The following CD44 variants were observed in gnomAD, a reference collection of about 807,000 sequenced individuals.
CD44 encodes the protein CD44 antigen.
In CD44, 49 loss-of-function variants were observed where a neutral mutation model predicts 88.8. That is an observed-to-expected ratio of 0.55 (90% CI 0.44 to 0.70). CD44 has a LOEUF of 0.70. CD44 is among the 30% of genes least tolerant of loss of function. The pLI, the probability that CD44 is intolerant of heterozygous loss-of-function variation, is 0.00. For synonymous variants in CD44, 325 were observed against 312.3 expected (o/e 1.04, Z -0.43); for missense variants, 883 against 913.8 (o/e 0.97, Z 0.43).
intron 2 of CD44, among the ~76,000 whole-genome samples, chr11:35,177,794 A>T (rs1944618282): frequency 6.6e-6 from 1 of 152,244 alleles, no homozygotes; most frequent in South Asian, 2.1e-4. Flanking sequence ...GCCACTAACC[A>T]CATGTGGTGA....
At chr11:35,205,365 A>G (rs1947727372) in intron 10 of CD44, among the ~76,000 whole-genome samples, 1 of 152,088 alleles carries the variant, frequency 6.6e-6, no homozygotes, top group African/African-American at 2.4e-5. Flanking sequence ...AAATATTCCC[A>G]TATTTCTATT....
chr11:35,166,857 C>A (rs1166653073), intron 1 of CD44, among the ~76,000 whole-genome samples: 1 of 152,260 alleles, frequency 6.6e-6, no homozygotes, highest in Non-Finnish European at 1.5e-5. Flanking sequence ...CTGAGTCACT[C>A]AAGACTCATG....
intron 1 of CD44, among the ~76,000 whole-genome samples, chr11:35,166,681 G>A (rs192326425): frequency 2.3e-4 from 35 of 152,356 alleles, no homozygotes; most frequent in Admixed American, 4.6e-4. Context: ...CCAGCCAGGC[G>A]CCAAGACGTT....
chr11:35,214,009 A>T (rs1031607892), intron 14 of CD44: 5 of 152,040 alleles, frequency 3.3e-5, no homozygotes, highest in Non-Finnish European at 7.4e-5. Context: ...AAAAAAAAAA[A>T]AGATTCCAGT....
chr11:35,211,263 G>C lies in CD44; in HGVS notation c.1624G>C (p.Gly542Arg). 6.2e-7 allele frequency: 1 copy of C among 1,613,602 alleles called. No homozygotes were observed. The highest frequency in any genetic ancestry group is 8.5e-7 in the Non-Finnish European group (1 of 1,179,608). ...CCACACAGATAGGAATGATGTCACA[G>C]GTGGAAGAAGAGACCCAAATCATTC... ...LTSSNRNDVT[G>R]GRRDPNHSEG... The change falls in exon 14 of 18, where the codon GGT (glycine) becomes CGT (arginine). Residue 542 changes from glycine to arginine, a missense_variant. By Grantham distance (125) the Gly-to-Arg change is moderately radical. This residue lies in a region of CD44 where 631 missense variants were observed against 590.9 expected (regional missense o/e 1.07). Coordinates refer to ENST00000428726, the MANE Select transcript of CD44 (RefSeq NM_000610.4).
intron 4 of CD44, among the ~76,000 whole-genome samples, chr11:35,189,406 A>G (rs560591305): frequency 6.6e-6 from 1 of 152,376 alleles, no homozygotes; most frequent in South Asian, 2.1e-4. Flanking sequence ...TGGAATTAAT[A>G]GCAACACATT....
chr11:35,189,794 A>T (rs1946088525), intron 4 of CD44, 41 bp from the exon 5 acceptor site: 1 of 1,332,388 alleles, frequency 7.5e-7, no homozygotes, highest in Admixed American at 1.8e-5. Context: ...TACTCAAAAT[A>T]TGAGCTGTGA....
At chr11:35,155,902 G>A (rs911264472) in intron 1 of CD44, among the ~76,000 whole-genome samples, 1 of 152,162 alleles carries the variant, frequency 6.6e-6, no homozygotes, top group African/African-American at 2.4e-5. Context: ...ATCTAAAGCA[G>A]CCCTCATATT....
chr11:35,225,066 C>A (rs1217486192), intron 17 of CD44, among the ~76,000 whole-genome samples: 1 of 125,296 alleles, frequency 8.0e-6, no homozygotes, highest in Non-Finnish European at 1.9e-5. Flanking sequence ...ATATTCTATA[C>A]CTCCACTGTC....
rs774592723 is a variant in CD44 at position 35,204,551 on chromosome 11, C to T, written c.1193C>T (p.Thr398Ile). ...AGTAGTACAACGGAAGAAACAGCTACCCAGAAGGAACAGTGGTTTGGCAAC... is the reference window on the plus strand; with the variant it reads ...AGTAGTACAACGGAAGAAACAGCTATCCAGAAGGAACAGTGGTTTGGCAAC... ...TPSSTTEETA[T>I]QKEQWFGNRW... Residue 398 changes from threonine to isoleucine, a missense_variant, in exon 10 of 18, where the codon ACC (threonine) becomes ATC (isoleucine). Thr to Ile is a moderately conservative substitution (Grantham distance 89). This residue lies in a region of CD44 where 631 missense variants were observed against 590.9 expected (regional missense o/e 1.07). Transcript: ENST00000428726. 1.1e-5 allele frequency: 18 copies of T among 1,613,366 alleles called. No individual in the cohort carries two copies. Among genetic ancestry groups the T allele is most frequent in the Non-Finnish European group, 1.5e-5 (18 of 1,179,432 alleles).
intron 5 of CD44, among the ~76,000 whole-genome samples, chr11:35,194,505 C>G (rs1474025874): frequency 6.6e-6 from 1 of 152,140 alleles, no homozygotes; most frequent in Non-Finnish European, 1.5e-5. Flanking sequence ...TAATTCACAG[C>G]CTAAGACTCA....
At chr11:35,144,684 G>A (rs566304950) in intron 1 of CD44, among the ~76,000 whole-genome samples, 14 of 152,292 alleles carry the variant, frequency 9.2e-5, no homozygotes, top group South Asian at 6.2e-4. Flanking sequence ...GTCATTGTGC[G>A]TTCCAGATTT....
At chr11:35,219,017 G>A in intron 15 of CD44, 1 of 349,238 alleles carries the variant, frequency 2.9e-6, no homozygotes, top group Non-Finnish European at 5.4e-6. Flanking sequence ...AGGGACAGCG[G>A]TGAGACTTAA....
chr11:35,179,465 A>G (rs1459174081), intron 2 of CD44, among the ~76,000 whole-genome samples: 1 of 152,140 alleles, frequency 6.6e-6, no homozygotes, highest in Non-Finnish European at 1.5e-5. Context: ...TGGGCTGTGT[A>G]TGTTGTATCT....
chr11:35,205,497 T>C (rs1204032076), intron 10 of CD44, among the ~76,000 whole-genome samples: 1 of 152,192 alleles, frequency 6.6e-6, no homozygotes, highest in Admixed American at 6.5e-5. Flanking sequence ...GAGGATGCTA[T>C]TGTAATCTTT....
At chr11:35,218,082 C>T (rs2134305745) in intron 15 of CD44, among the ~76,000 whole-genome samples, 1 of 151,880 alleles carries the variant, frequency 6.6e-6, no homozygotes. Flanking sequence ...GCCACCATGC[C>T]CGGCTTCTTA....
Position 35,186,966 on chromosome 11 carries a change from T to C in CD44, c.436+66T>C, listed in dbSNP as rs376596338. ...GGGGAAAGGGCTCAGGTGTGTTCTC[T>C]GTGGTATATTTGAATAGAATATTAG... On this transcript the variant is annotated intron_variant, in intron 4 of 17. Coordinates refer to ENST00000428726, the MANE Select transcript of CD44 (RefSeq NM_000610.4). 4.8e-4 allele frequency: 458 copies of C among 949,392 alleles called. No individual in the cohort carries two copies. In the African/African-American group the frequency reaches 6.3e-3, roughly 13 times the overall value. The allele number at this position is 949,392 out of a possible 1,614,324, so 58.8% of individuals were successfully genotyped here.
chr11:35,139,188 C>A lies in CD44; in HGVS notation c.-116C>A. 1 of 773,632 alleles carries A rather than the reference C, an allele frequency of 1.3e-6. No individual in the cohort carries two copies. The highest frequency in any genetic ancestry group is 2.2e-6 in the Non-Finnish European group (1 of 450,954). 47.9% of individuals were successfully genotyped at this position (773,632 alleles called of 1,614,324 possible). On this transcript the variant is annotated 5_prime_UTR_variant, in exon 1 of 18. Transcript: ENST00000428726. The stretch of plus-strand genomic sequence containing the variant: ...GAGGCAGCCTCATTGCCCAGCGGAC[C>A]CCAGCCTCTGCCAGGTTCGGTCCGC...
At chr11:35,144,925 G>A (rs1333113875) in intron 1 of CD44, among the ~76,000 whole-genome samples, 1 of 152,192 alleles carries the variant, frequency 6.6e-6, no homozygotes, top group Non-Finnish European at 1.5e-5. Flanking sequence ...TGTGTACTTT[G>A]GAGGTAAGTA....
Sources: allele counts gnomAD v4.1 joint callset (sites outside exome capture counted in the v4.1 genomes callset), GRCh38; gene constraint gnomAD v4.1.1; regional missense constraint gnomAD v4.1.1; transcripts MANE v1.5; gene names NCBI Gene and HGNC (gene_info 2026-07-23, HGNC 2026-07-21).